Variants in DYNC1H1 observed in about 807,000 individuals in gnomAD.
The protein encoded by DYNC1H1 is dynein cytoplasmic 1 heavy chain 1, also known as cytoplasmic dynein 1 heavy chain 1.
A neutral mutation model predicts 527.1 loss-of-function variants in DYNC1H1; 51 were observed. The ratio of observed to expected loss-of-function variants is 0.10; its 90% confidence interval spans 0.08 to 0.12. The LOEUF (loss-of-function observed/expected upper bound fraction) is 0.12, where lower values mean the gene tolerates loss of function less well. DYNC1H1 is among the 10% of genes least tolerant of loss of function. The probability of loss-of-function intolerance (pLI) is 1.00; values close to 1 mark genes in which losing one functional copy is unlikely to be tolerated. For missense variants in DYNC1H1, 2,771 were observed against 5,971.8 expected (o/e 0.46, Z 17.66); for synonymous variants, 2,189 against 2,278.8 (o/e 0.96, Z 1.12).
At chr14:102,025,182 G>A (rs941095239) in intron 43 of DYNC1H1, among the ~76,000 whole-genome samples, 4 of 151,754 alleles carry the variant, frequency 2.6e-5, no homozygotes, top group African/African-American at 9.7e-5. Context: ...CGAGGCAGGT[G>A]GATCACGAGG....
intron 2 of DYNC1H1, among the ~76,000 whole-genome samples, chr14:101,978,903 T>C (rs183145434): frequency 3.9e-4 from 59 of 152,246 alleles, no homozygotes; most frequent in African/African-American, 1.4e-3. Context: ...AGAGGATACA[T>C]AGCAGGAGGT....
Position 102,002,728 on chromosome 14 carries a change from A to G in DYNC1H1, c.4709+25A>G, listed in dbSNP as rs1379708688. 1 of 1,614,218 alleles carries G rather than the reference A, an allele frequency of 6.2e-7. No homozygotes were observed. Among genetic ancestry groups the G allele is most frequent in the South Asian group, 1.1e-5 (1 of 91,080 alleles). The stretch of plus-strand genomic sequence containing the variant: ...GGTATGGCCTCCAGCCAGAGAGCCA[A>G]ATTTGCCAGCGGCTAGTGACTACTC... On this transcript the variant is annotated intron_variant, in intron 22 of 77. Coordinates refer to ENST00000360184, the MANE Select transcript of DYNC1H1 (RefSeq NM_001376.5). The surrounding 1 kb of genome is among the most constrained non-coding windows in gnomAD (Gnocchi z 4.4).
chr14:102,031,580 T>G (rs1277278152), intron 51 of DYNC1H1, among the ~76,000 whole-genome samples: 1 of 152,150 alleles, frequency 6.6e-6, no homozygotes, highest in Non-Finnish European at 1.5e-5. Context: ...CCCTCTAAAT[T>G]GTAGCAAATT....
At position 102,029,948 on chromosome 14, in the gene DYNC1H1, CAG is replaced by C; in HGVS notation, c.9762+11_9762+12del. Reference sequence around the variant, plus strand: ...GGCTGAAAAGAAGAAGGTATGGTGTCAGGGAATTCTGGCCTGTAAGGACTGAG... The same window carrying C: ...GGCTGAAAAGAAGAAGGTATGGTGTCGGAATTCTGGCCTGTAAGGACTGAG... On this transcript the variant is annotated intron_variant, in intron 50 of 77. Transcript: ENST00000360184. The surrounding 1 kb of genome is among the most constrained non-coding windows in gnomAD (Gnocchi z 5.3). The C allele has an allele frequency of 6.2e-7, 1 of 1,613,962 alleles. No individual in the cohort carries two copies. The highest frequency in any genetic ancestry group is 1.3e-5 in the African/African-American group (1 of 74,988).
In DYNC1H1 at chr14:102,050,494, C is replaced by T. The variant is rs375918532; in HGVS notation, c.13872C>T (p.Phe4624=). ...TRADLIFTVD[F]EIATKEDPRS... ...CAGACCTCATCTTCACCGTGGACTT[C>T]GAAATTGCTACAAAGGAGGATCCTC... Residue 4624 remains phenylalanine (F), a synonymous_variant, in exon 78 of 78, where the codon TTC becomes TTT. Transcript: ENST00000360184. 37 of 1,614,208 alleles carry T rather than the reference C, an allele frequency of 2.3e-5. No homozygotes were observed. In the Middle Eastern group the frequency reaches 4.9e-4, roughly 22 times the overall value.
Position 102,030,057 on chromosome 14 carries a change from A to AGTGT in DYNC1H1, c.9763-88_9763-85dup, listed in dbSNP as rs3830916. The AGTGT allele has an allele frequency of 8.0e-4, 1,215 of 1,520,362 alleles. 2 individuals carry two copies. In the African/African-American group the frequency reaches 0.011, roughly 13 times the overall value. The allele number at this position is 1,520,362 out of a possible 1,614,324, so 94.2% of individuals were successfully genotyped here. A position where few individuals can be genotyped will look rare whatever the true frequency, so the allele number is the denominator to read the frequency against. Reference sequence around the variant, plus strand: ...TAGAGAGAGGGAGGGAGGGAGAGAGAGTGTGTGTGTGTGTGTGTGTTGGCA... The same window carrying AGTGT: ...TAGAGAGAGGGAGGGAGGGAGAGAGAGTGTGTGTGTGTGTGTGTGTGTGTTGGCA... On this transcript the variant is annotated intron_variant, in intron 50 of 77. Transcript: ENST00000360184.
chr14:102,032,843 A>C (rs2048525630), intron 52 of DYNC1H1: 4 of 594,930 alleles, frequency 6.7e-6, no homozygotes, highest in Non-Finnish European at 1.2e-5. Flanking sequence ...ACAGAGAAAA[A>C]CCCTGTCTCA....
At chr14:101,969,186 T>C in intron 1 of DYNC1H1, among the ~76,000 whole-genome samples, 1 of 93,606 alleles carries the variant, frequency 1.1e-5, no homozygotes, top group African/African-American at 7.0e-5. Flanking sequence ...CCTGGTTAAT[T>C]TTTTTTTTTT....
chr14:102,029,121 C>T lies in DYNC1H1; in HGVS notation c.9469-418C>T, dbSNP rs906743055. ...TGGAATGTCGTCCAGCCCTGGCTTC[C>T]CCTGGTAGTCTGATCATCTTGCTGT... On this transcript the variant is annotated intron_variant, in intron 48 of 77. Transcript: ENST00000360184. This position sits in a 1 kb window ranked among gnomAD's most constrained non-coding sequence, Gnocchi z 5.3. 1 of 262,610 alleles carries T rather than the reference C, an allele frequency of 3.8e-6. No individual in the cohort carries two copies. The highest frequency in any genetic ancestry group is 5.1e-5 in the Admixed American group (1 of 19,646). The allele number at this position is 262,610 out of a possible 1,614,324, so 16.3% of individuals were successfully genotyped here.
At chr14:102,022,961 T>G in intron 43 of DYNC1H1, 81 bp downstream of exon 43, 1 of 1,604,148 alleles carries the variant, frequency 6.2e-7, no homozygotes, top group Non-Finnish European at 8.5e-7. Flanking sequence ...CGAATTATCT[T>G]CTACTCAAAA....
In DYNC1H1 at chr14:102,051,221, A is replaced by G. The variant is rs1595638896; in HGVS notation, c.*658A>G. 1 of 156,364 alleles carries G rather than the reference A, an allele frequency of 6.4e-6. No individual in the cohort carries two copies. The highest frequency in any genetic ancestry group is 2.5e-5 in the African/African-American group (1 of 40,814). The allele number at this position is 156,364 out of a possible 1,614,324, so 9.7% of individuals were successfully genotyped here. On this transcript the variant is annotated 3_prime_UTR_variant, in exon 78 of 78. Coordinates refer to ENST00000360184, the MANE Select transcript of DYNC1H1 (RefSeq NM_001376.5). ...CAGTGAGCTGTGATCTCACCACTGC[A>G]CTCCAGCCTGGGTGACAGAGCAAGA... is the stretch of plus-strand genomic sequence containing the variant.
At chr14:101,980,113 G>T in intron 4 of DYNC1H1, 139 bp downstream of exon 4, 2 of 1,359,532 alleles carry the variant, frequency 1.5e-6, no homozygotes, top group Non-Finnish European at 1.0e-6. Flanking sequence ...GGACTGTCCA[G>T]TGCAGGACTA....
In DYNC1H1 at chr14:101,997,415, A is replaced by G; in HGVS notation, c.3804+141A>G. On this transcript the variant is annotated intron_variant, in intron 16 of 77. Coordinates refer to ENST00000360184, the MANE Select transcript of DYNC1H1 (RefSeq NM_001376.5). The surrounding 1 kb of genome is among the most constrained non-coding windows in gnomAD (Gnocchi z 4.8). Reference sequence around the variant, plus strand: ...TTTTCCTTTTTGTAGTTAAAAAAGCAGATGGAGATAGCAAATGTGAAAATA... The same window carrying G: ...TTTTCCTTTTTGTAGTTAAAAAAGCGGATGGAGATAGCAAATGTGAAAATA... 3 of 1,433,626 alleles carry G rather than the reference A, an allele frequency of 2.1e-6. No homozygotes were observed. Among genetic ancestry groups the G allele is most frequent in the Non-Finnish European group, 2.8e-6 (3 of 1,057,000 alleles). The allele number at this position is 1,433,626 out of a possible 1,614,324, so 88.8% of individuals were successfully genotyped here. A position where few individuals can be genotyped will look rare whatever the true frequency, so the allele number is the denominator to read the frequency against.
chr14:102,035,663 C>T (rs1433908946), intron 56 of DYNC1H1: 5 of 152,244 alleles, frequency 3.3e-5, no homozygotes, highest in Admixed American at 2.6e-4. Context: ...TCTTTGCCAA[C>T]ACAGGACATT....
intron 72 of DYNC1H1, among the ~76,000 whole-genome samples, chr14:102,045,951 G>A (rs2048711752): frequency 6.6e-6 from 1 of 152,092 alleles, no homozygotes; most frequent in South Asian, 2.1e-4. Context: ...CGGATCACAA[G>A]GTCAGGAGAT....
In DYNC1H1 at chr14:102,016,246, A is replaced by G. The variant is rs2048321090; in HGVS notation, c.7474-103A>G. 4 of 1,536,204 alleles carry G rather than the reference A, an allele frequency of 2.6e-6. No individual in the cohort carries two copies. Among genetic ancestry groups the G allele is most frequent in the Non-Finnish European group, 2.7e-6 (3 of 1,127,994 alleles). On this transcript the variant is annotated intron_variant, in intron 36 of 77. Transcript: ENST00000360184. This position sits in a 1 kb window ranked among gnomAD's most constrained non-coding sequence, Gnocchi z 7.3. ...AAGGTGCAGTGGGTGTCTGTGATGC[A>G]AGAAGACTGGGAACCACTGTCTTTA...
chr14:102,033,511 C>T lies in DYNC1H1; in HGVS notation c.10413+27C>T. 6.2e-7 allele frequency: 1 copy of T among 1,612,890 alleles called. No homozygotes were observed. Among genetic ancestry groups the T allele is most frequent in the Non-Finnish European group, 8.5e-7 (1 of 1,179,428 alleles). On this transcript the variant is annotated intron_variant, in intron 54 of 77. Coordinates refer to ENST00000360184, the MANE Select transcript of DYNC1H1 (RefSeq NM_001376.5). The surrounding 1 kb of genome is among the most constrained non-coding windows in gnomAD (Gnocchi z 5.6). ...TAAGATTATCATCATTGATCCTCAG[C>T]CTTTCCTGCTGTGGAAGCAGAGATT... is the stretch of plus-strand genomic sequence containing the variant.
intron 5 of DYNC1H1, among the ~76,000 whole-genome samples, chr14:101,981,123 T>A (rs558771522): frequency 2.6e-5 from 4 of 152,282 alleles, no homozygotes; most frequent in African/African-American, 9.6e-5. Flanking sequence ...TTAAAATTTT[T>A]AAAATTTATT....
chr14:101,969,651 C>A (rs1305124720), intron 1 of DYNC1H1: 2 of 152,294 alleles, frequency 1.3e-5, no homozygotes, highest in Non-Finnish European at 2.9e-5. Context: ...AGAAAACAAA[C>A]CTAGCTACCA....
Sources: gnomAD v4.1 joint callset for allele counts (sites outside exome capture counted in the v4.1 genomes callset) on GRCh38, gnomAD v4.1.1 for gene constraint, Gnocchi (gnomAD v3.1) non-coding constraint, MANE v1.5 for transcripts, NCBI Gene and HGNC (gene_info 2026-07-23, HGNC 2026-07-21) for gene names.